Variants in EIF3H observed in about 807,000 individuals in gnomAD.
EIF3H encodes the protein eIF-3-gamma.
A neutral mutation model predicts 44.2 loss-of-function variants in EIF3H; 26 were observed. The ratio of observed to expected loss-of-function variants is 0.59; its 90% CI spans 0.43 to 0.82. The LOEUF is 0.82. EIF3H is among the 40% of genes least tolerant of loss of function. EIF3H has a pLI of 0.00. For missense variants in EIF3H, 359 were observed against 432.8 expected (o/e 0.83, Z 1.51); for synonymous variants, 166 against 151.9 (o/e 1.09, Z -0.68).
intron 5 of EIF3H, among the ~76,000 whole-genome samples, chr8:116,649,166 G>A (rs911829518): frequency 1.1e-4 from 17 of 152,182 alleles, no homozygotes; most frequent in African/African-American, 3.9e-4. Flanking sequence ...TATTGTGAGA[G>A]CACAGGTATG....
At chr8:116,731,020 T>C (rs967479925) in intron 1 of EIF3H, among the ~76,000 whole-genome samples, 1 of 152,220 alleles carries the variant, frequency 6.6e-6, no homozygotes, top group African/African-American at 2.4e-5. Context: ...AAATGAGTGA[T>C]ACCAAACTGA....
chr8:116,742,826 T>C (rs992821928), intron 1 of EIF3H, among the ~76,000 whole-genome samples: 5 of 152,236 alleles, frequency 3.3e-5, no homozygotes, highest in Non-Finnish European at 5.9e-5. Flanking sequence ...CTTCACTATA[T>C]ACTTTCACTT....
chr8:116,727,071 G>A (rs1814855905), intron 1 of EIF3H, among the ~76,000 whole-genome samples: 1 of 152,162 alleles, frequency 6.6e-6, no homozygotes, highest in African/African-American at 2.4e-5. Flanking sequence ...CAATTTATTT[G>A]TACGTTATTA....
At chr8:116,718,292 T>C (rs895682783) in intron 2 of EIF3H, among the ~76,000 whole-genome samples, 1 of 152,100 alleles carries the variant, frequency 6.6e-6, no homozygotes. Context: ...AGAATGACTA[T>C]GGAAAACAGT....
intron 7 of EIF3H, among the ~76,000 whole-genome samples, chr8:116,645,516 T>G (rs1813282480): frequency 6.6e-6 from 1 of 152,198 alleles, no homozygotes; most frequent in Non-Finnish European, 1.5e-5. Flanking sequence ...TACGGTAGGT[T>G]TTCAGTTTGT....
intron 1 of EIF3H, among the ~76,000 whole-genome samples, chr8:116,729,879 G>C (rs1431013937): frequency 6.6e-6 from 1 of 152,162 alleles, no homozygotes; most frequent in African/African-American, 2.4e-5. Flanking sequence ...ACAGTTTCTG[G>C]AAAGAAGATT....
intron 2 of EIF3H, among the ~76,000 whole-genome samples, chr8:116,689,642 C>G (rs1814139342): frequency 6.6e-6 from 1 of 151,918 alleles, no homozygotes; most frequent in African/African-American, 2.4e-5. Flanking sequence ...TTTTAAGAAC[C>G]AAGAAAAACT....
At chr8:116,739,932 C>G (rs1338703778) in intron 1 of EIF3H, among the ~76,000 whole-genome samples, 1 of 152,160 alleles carries the variant, frequency 6.6e-6, no homozygotes, top group African/African-American at 2.4e-5. Context: ...CCCAATCTAT[C>G]ACAGACCAAC....
At chr8:116,713,341 T>C (rs1814606402) in intron 2 of EIF3H, among the ~76,000 whole-genome samples, 1 of 152,050 alleles carries the variant, frequency 6.6e-6, no homozygotes, top group Non-Finnish European at 1.5e-5. Flanking sequence ...TAAGGGAGAG[T>C]ATAGCGTAAA....
rs375292004 is a variant in EIF3H at position 116,751,085 on chromosome 8, G to A, written c.132+4581C>T. ...AAATTAGCCGGGCGTAGTGGCAGGC[G>A]CCTGTAGTCCCAGCTACTTGGGAGG... On this transcript the variant is annotated intron_variant, in intron 1 of 7. Transcript: ENST00000521861. Among the ~76,000 whole-genome samples the A allele has an allele frequency of 2.6e-5, 4 of 151,644 alleles. No individual in the cohort carries two copies. The East Asian group carries it at 7.8e-4, about 30-fold the overall frequency.
intron 1 of EIF3H, among the ~76,000 whole-genome samples, chr8:116,753,530 T>G (rs1473947465): frequency 6.6e-6 from 1 of 152,228 alleles, no homozygotes; most frequent in African/African-American, 2.4e-5. Context: ...TACATGTATA[T>G]AAACCAATCT....
At chr8:116,677,363 T>C (rs1586448710) in intron 2 of EIF3H, among the ~76,000 whole-genome samples, 3 of 152,274 alleles carry the variant, frequency 2.0e-5, no homozygotes, top group East Asian at 1.9e-4. Flanking sequence ...AAATGTGCAA[T>C]TGAAAAAAAA....
intron 1 of EIF3H, among the ~76,000 whole-genome samples, chr8:116,732,027 A>C (rs1054747215): frequency 2.0e-5 from 3 of 152,228 alleles, no homozygotes; most frequent in African/African-American, 7.2e-5. Flanking sequence ...AAGTTTACAC[A>C]GTCTCAAGTT....
intron 2 of EIF3H, among the ~76,000 whole-genome samples, chr8:116,662,408 C>G (rs1371954638): frequency 6.6e-6 from 1 of 152,196 alleles, no homozygotes; most frequent in Non-Finnish European, 1.5e-5. Context: ...CTCACCATGA[C>G]TGCTCCTATG....
intron 2 of EIF3H, among the ~76,000 whole-genome samples, chr8:116,692,370 C>G (rs966181682): frequency 2.0e-5 from 3 of 151,898 alleles, no homozygotes. Context: ...TATATATTTA[C>G]AAAAATACAA....
intron 1 of EIF3H, among the ~76,000 whole-genome samples, chr8:116,764,223 G>A (rs1055513938): frequency 1.6e-4 from 24 of 152,096 alleles, no homozygotes; most frequent in African/African-American, 5.6e-4. Flanking sequence ...TGTTCCTTCA[G>A]TATAAGGTCA....
At position 116,755,746 on chromosome 8, in the gene EIF3H, T is replaced by C; in HGVS notation, c.52A>G (p.Thr18Ala). 6.2e-7 allele frequency: 1 copy of C among 1,614,004 alleles called. No homozygotes were observed. Among genetic ancestry groups the C allele is most frequent in the Non-Finnish European group, 8.5e-7 (1 of 1,179,984 alleles). Residue 18 changes from threonine to alanine, a missense_variant, in exon 1 of 8, where the codon ACC becomes GCC. By Grantham distance (58) the Thr-to-Ala change is moderately conservative. This residue lies in a region of EIF3H where 59 missense variants were observed against 33.5 expected (regional missense o/e 1.76). Coordinates refer to ENST00000521861, the MANE Select transcript of EIF3H (RefSeq NM_003756.3). ...TGSTATSSSS[T>A]AGAAGKGKGK... ...TTGCCTTTCCCTGCTGCGCCGGCGG[T>C]GGAGCTGGAAGAGGTGGCAGTAGAG...
At chr8:116,714,179 G>A (rs574150571) in intron 2 of EIF3H, among the ~76,000 whole-genome samples, 4 of 152,214 alleles carry the variant, frequency 2.6e-5, no homozygotes, top group Admixed American at 2.6e-4. Context: ...AGAGGTGTGT[G>A]TGCCACTTAT....
rs1813237361 is a variant in EIF3H, at chr8:116,642,516, G to A, written c.*2490C>T. The stretch of plus-strand genomic sequence containing the variant: ...TTTAAGAATAATGTTATGATTATTA[G>A]ATTATTATCAATGATTAGAAAGTTA... On this transcript the variant is annotated 3_prime_UTR_variant, in exon 8 of 8. Transcript: ENST00000521861. 1 of 152,096 alleles carries A rather than the reference G, an allele frequency of 6.6e-6. No individual in the cohort carries two copies. The highest frequency in any genetic ancestry group is 1.5e-5 in the Non-Finnish European group (1 of 68,022). 9.4% of individuals were successfully genotyped at this position (152,096 alleles called of 1,614,324 possible).
Sources: gnomAD v4.1 joint callset for allele counts (sites outside exome capture counted in the v4.1 genomes callset) on GRCh38, gnomAD v4.1.1 for gene constraint, gnomAD v4.1.1 regional missense constraint, MANE v1.5 for transcripts, NCBI Gene and HGNC (gene_info 2026-07-23, HGNC 2026-07-21) for gene names.